STAU1: variants seen among roughly 807,000 people sequenced by gnomAD.
STAU1 encodes staufen double-stranded RNA binding protein 1, also known as double-stranded RNA-binding protein Staufen homolog 1.
Under a neutral mutation model 62.9 loss-of-function variants are expected in STAU1, and 13 were observed. The ratio of observed to expected loss-of-function variants is 0.21; its 90% confidence interval spans 0.13 to 0.33. The LOEUF is 0.33. Among genes scored for constraint, STAU1 ranks in the 10% least tolerant of loss-of-function variants. The probability of loss-of-function intolerance (pLI) is 1.00; values close to 1 mark genes in which losing one functional copy is unlikely to be tolerated. For missense variants in STAU1, 571 were observed against 712.1 expected (o/e 0.80, Z 2.25); for synonymous variants, 269 against 265.1 (o/e 1.01, Z -0.14).
At chr20:49,209,570 C>A in the STAU1 span, among the ~76,000 whole-genome samples, 1 of 151,970 alleles carries the variant, frequency 6.6e-6, no homozygotes, top group African/African-American at 2.4e-5. Flanking sequence ...ACGGTGAAAC[C>A]CTGTCACTAC....
At chr20:49,121,015 G>A (rs1343870072) in intron 8 of STAU1, among the ~76,000 whole-genome samples, 4 of 152,044 alleles carry the variant, frequency 2.6e-5, no homozygotes, top group East Asian at 1.9e-4. Flanking sequence ...GGCTGGTCTC[G>A]AACCCCTGAC....
At chr20:49,141,289 G>T in intron 5 of STAU1, among the ~76,000 whole-genome samples, 1 of 149,750 alleles carries the variant, frequency 6.7e-6, no homozygotes, top group Non-Finnish European at 1.5e-5. Flanking sequence ...GTTTTTTTCT[G>T]TTTTAAGAAA....
chr20:49,119,960 T>C (rs2092425680), intron 9 of STAU1, 22 bp downstream of exon 9: 1 of 1,608,150 alleles, frequency 6.2e-7, no homozygotes, highest in African/African-American at 1.3e-5. Flanking sequence ...CATCTTGCAA[T>C]CAGAGAGCCC....
rs148377463 is a variant in STAU1, at chr20:49,146,034, G to A, written c.510+5548C>T. Among the ~76,000 whole-genome samples the A allele has an allele frequency of 2.0e-5, 3 of 152,264 alleles. No homozygotes were observed. The East Asian group carries it at 5.8e-4, about 29-fold the overall frequency. The stretch of plus-strand genomic sequence containing the variant: ...AGTAATCCCAGCATTTTGGGAGGCC[G>A]AGGCAGGTGGTGGTCACTTGAGCTC... On this transcript the variant is annotated intron_variant, in intron 5 of 13. Transcript: ENST00000371856.
At chr20:49,207,710 C>T in the STAU1 span, among the ~76,000 whole-genome samples, 1 of 149,484 alleles carries the variant, frequency 6.7e-6, no homozygotes, top group African/African-American at 2.5e-5. Context: ...TTAGTAGAGA[C>T]AGGCTTTCAC....
chr20:49,166,350 T>C (rs377722083), intron 2 of STAU1, 65 bp from the exon 3 acceptor site: 1 of 668,634 alleles, frequency 1.5e-6, no homozygotes. Context: ...ATTGCCAATA[T>C]TCAGTCAAAA....
intron 3 of STAU1, among the ~76,000 whole-genome samples, chr20:49,163,683 C>A (rs1262418446): frequency 6.6e-6 from 1 of 152,186 alleles, no homozygotes; most frequent in Admixed American, 6.5e-5. Context: ...GCCTTGGCCT[C>A]CCAAGTGCTG....
chr20:49,124,606 CTGAG>C lies in STAU1; in HGVS notation c.610-23_610-20del. 6.2e-7 allele frequency: 1 copy of C among 1,612,896 alleles called. No homozygotes were observed. The highest frequency in any genetic ancestry group is 8.5e-7 in the Non-Finnish European group (1 of 1,179,820). Reference sequence around the variant, plus strand: ...GGGCCACCTGTTTCAGAGGGAAAGACTGAGTGAAAGCGGACAGACACTTATTAAA... The same window carrying C: ...GGGCCACCTGTTTCAGAGGGAAAGACTGAAAGCGGACAGACACTTATTAAA... On this transcript the variant is annotated intron_variant, in intron 6 of 13. Transcript: ENST00000371856.
upstream of STAU1, among the ~76,000 whole-genome samples, chr20:49,190,291 T>C (rs565951413): frequency 2.8e-4 from 43 of 152,296 alleles, no homozygotes; most frequent in South Asian, 2.3e-3. Flanking sequence ...GCATCTTTTT[T>C]GTTTTTTTCT....
At position 49,177,895 on chromosome 20, in the gene STAU1, T is replaced by G. The variant is rs374073359; in HGVS notation, c.-159-3626A>C. ...GCTGAGATTCATACAAACATTCATGTTTTGGCCAGGTGTGGTGGCTCACGC... is the reference window on the plus strand; with the variant it reads ...GCTGAGATTCATACAAACATTCATGGTTTGGCCAGGTGTGGTGGCTCACGC... On this transcript the variant is annotated intron_variant, in intron 1 of 13. Transcript: ENST00000371856. Among the ~76,000 whole-genome samples the G allele has an allele frequency of 3.9e-5, 6 of 152,074 alleles. 1 individual carries two copies. Among genetic ancestry groups the G allele is most frequent in the African/African-American group, 1.4e-4 (6 of 41,410 alleles).
chr20:49,158,903 A>AT, intron 3 of STAU1: 1 of 1,208,944 alleles, frequency 8.3e-7, no homozygotes, highest in African/African-American at 1.7e-5. Context: ...ACTCCATCTC[A>AT]AAAATAAATA....
At chr20:49,146,382 T>C (rs1197409228) in intron 5 of STAU1, among the ~76,000 whole-genome samples, 1 of 152,180 alleles carries the variant, frequency 6.6e-6, no homozygotes, top group Non-Finnish European at 1.5e-5. Flanking sequence ...CATTTATTCA[T>C]TTTTACAAAA....
intron 5 of STAU1, among the ~76,000 whole-genome samples, chr20:49,144,075 T>G (rs1001038570): frequency 3.3e-5 from 5 of 152,206 alleles, no homozygotes; most frequent in African/African-American, 1.2e-4. Flanking sequence ...ATTTCCTTGC[T>G]CCATTAAGTG....
the STAU1 span, among the ~76,000 whole-genome samples, chr20:49,198,242 G>A: frequency 5.9e-5 from 9 of 152,112 alleles, no homozygotes; most frequent in East Asian, 1.9e-4. Flanking sequence ...TAGGCCGGGC[G>A]CGGTGGCTCA....
chr20:49,202,045 C>G, the STAU1 span, among the ~76,000 whole-genome samples: 2 of 150,186 alleles, frequency 1.3e-5, no homozygotes, highest in East Asian at 4.0e-4. Context: ...ACGGTGAAAC[C>G]CCGTCTCTAC....
At chr20:49,206,744 TATA>T in the STAU1 span, among the ~76,000 whole-genome samples, 20 of 132,072 alleles carry the variant, frequency 1.5e-4, no homozygotes, top group Non-Finnish European at 1.9e-4. Flanking sequence ...TATATATATA[TATA>T]TATATTTTAT....
chr20:49,116,770 G>A (rs2092335560), intron 12 of STAU1, among the ~76,000 whole-genome samples: 1 of 152,148 alleles, frequency 6.6e-6, no homozygotes, highest in African/African-American at 2.4e-5. Context: ...GAAGACCAAA[G>A]CAAGTGGTTT....
chr20:49,185,990 C>G (rs777085232), intron 1 of STAU1, among the ~76,000 whole-genome samples: 66 of 151,906 alleles, frequency 4.3e-4, no homozygotes, highest in African/African-American at 1.6e-3. Context: ...TGCAGGCGCC[C>G]GCCACCACAC....
rs944622344 is a variant in STAU1 at position 49,165,678 on chromosome 20, C to T, written c.205+319G>A. ...TTAAATGCAGAATTATCCCATACAA[C>T]GATGAATATCCAAGGTGGTATTTAC... is the stretch of plus-strand genomic sequence containing the variant. On this transcript the variant is annotated intron_variant, in intron 3 of 13. Coordinates refer to ENST00000371856, the MANE Select transcript of STAU1 (RefSeq NM_017453.4). Among the ~76,000 whole-genome samples, 2 of 152,330 alleles carry T rather than the reference C, an allele frequency of 1.3e-5. 1 individual carries two copies. The highest frequency in any genetic ancestry group is 4.8e-5 in the African/African-American group (2 of 41,576).
Sources: gnomAD v4.1 joint callset for allele counts (sites outside exome capture counted in the v4.1 genomes callset) on GRCh38, gnomAD v4.1.1 for gene constraint, MANE v1.5 for transcripts, NCBI Gene and HGNC (gene_info 2026-07-23, HGNC 2026-07-21) for gene names.